Variants in TMEM43 observed in about 807,000 individuals in gnomAD.
TMEM43 encodes arrhythmogenic right ventricular dysplasia 5.
Under a neutral mutation model 49.6 loss-of-function variants are expected in TMEM43, and 45 were observed. The observed-to-expected ratio is 0.91, with a 90% CI of 0.71 to 1.16. The LOEUF (loss-of-function observed/expected upper bound fraction) is 1.16, where lower values mean the gene tolerates loss of function less well. Among genes scored for constraint, TMEM43 ranks in the 50% most tolerant of loss-of-function variants. The pLI is 0.00. For synonymous variants in TMEM43, 199 were observed against 207.8 expected, an observed-to-expected ratio of 0.96 and a Z score of 0.36; for missense variants, 532 against 516.6, an observed-to-expected ratio of 1.03 and a Z score of -0.29.
chr3:14,132,694 C>T, intron 5 of TMEM43, 99 bp downstream of exon 5: 1 of 1,462,770 alleles, frequency 6.8e-7, no homozygotes, highest in African/African-American at 1.4e-5. Context: ...AAGGATTCAG[C>T]ACCAGGCATC....
chr3:14,133,618 T>G (rs1695127438), intron 6 of TMEM43, 121 bp from the exon 7 acceptor site: 2 of 893,380 alleles, frequency 2.2e-6, no homozygotes, highest in South Asian at 2.6e-5. Flanking sequence ...CTGCTGCGCC[T>G]GGGCTAATCT....
intron 10 of TMEM43, 197 bp downstream of exon 10, chr3:14,136,105 C>T (rs1695166510): frequency 5.9e-6 from 4 of 682,290 alleles, no homozygotes; most frequent in Non-Finnish European, 1.1e-5. Context: ...TTTGGATTTG[C>T]AGGTATTTGT....
At chr3:14,132,448 T>G in intron 4 of TMEM43, 98 bp from the exon 5 acceptor site, 1 of 1,289,876 alleles carries the variant, frequency 7.8e-7, no homozygotes, top group Non-Finnish European at 1.1e-6. Flanking sequence ...GGGAGTCTGA[T>G]CTGGTAGCCC....
chr3:14,126,059 C>T (rs1695016799), intron 1 of TMEM43, among the ~76,000 whole-genome samples: 1 of 152,282 alleles, frequency 6.6e-6, no homozygotes, highest in Non-Finnish European at 1.5e-5. Context: ...GTCCTAGCAG[C>T]TCTCCCCTTG....
At chr3:14,139,434 C>T in intron 11 of TMEM43, 137 bp downstream of exon 11, 1 of 724,742 alleles carries the variant, frequency 1.4e-6, no homozygotes, top group Non-Finnish European at 2.5e-6. Context: ...ATCTCTGTGT[C>T]CCCGCTCCAT....
At chr3:14,137,538 A>G (rs116467007) in intron 10 of TMEM43, among the ~76,000 whole-genome samples, 61 of 152,166 alleles carry the variant, frequency 4.0e-4, no homozygotes, top group Middle Eastern at 3.4e-3. Flanking sequence ...CCCCCACACA[A>G]GGTCTGGGGT....
rs746865129 is a variant in TMEM43, at chr3:14,135,283, C to T, written c.780+51C>T. On this transcript the variant is annotated intron_variant, in intron 9 of 11. Transcript: ENST00000306077. ...ACTAAGTCAGAGCCTCACGACTTTC[C>T]TGGACACAGACACCTTGGTCAATGT... 6 of 1,485,106 alleles carry T rather than the reference C, an allele frequency of 4.0e-6. No individual in the cohort carries two copies. In the East Asian group the frequency reaches 1.4e-4, roughly 34 times the overall value. The allele number at this position is 1,485,106 out of a possible 1,614,324, so 92.0% of individuals were successfully genotyped here. A position where few individuals can be genotyped will look rare whatever the true frequency, so the allele number is the denominator to read the frequency against.
chr3:14,140,341 G>A (rs568243248), intron 11 of TMEM43, among the ~76,000 whole-genome samples: 3 of 152,174 alleles, frequency 2.0e-5, no homozygotes, highest in Non-Finnish European at 2.9e-5. Context: ...GTCTCAGTGG[G>A]CCCTTCTTTG....
intron 7 of TMEM43, among the ~76,000 whole-genome samples, 153 bp from the exon 8 acceptor site, chr3:14,134,617 C>T (rs766292952): frequency 9.9e-5 from 15 of 152,162 alleles, no homozygotes; most frequent in African/African-American, 2.7e-4. Flanking sequence ...CAGGGGAAGC[C>T]GTGGACGAGA....
chr3:14,137,652 G>A (rs1012184370), intron 10 of TMEM43, among the ~76,000 whole-genome samples: 1 of 152,232 alleles, frequency 6.6e-6, no homozygotes, highest in Admixed American at 6.5e-5. Flanking sequence ...AGCTGCCCAA[G>A]CAGGCACACT....
chr3:14,132,741 C>G, intron 5 of TMEM43, 125 bp from the exon 6 acceptor site: 6 of 1,365,126 alleles, frequency 4.4e-6, no homozygotes, highest in Non-Finnish European at 6.3e-6. Context: ...GCCCTGCTTT[C>G]CCACCCATCC....
chr3:14,128,228 A>G (rs775146487), intron 1 of TMEM43, among the ~76,000 whole-genome samples: 1 of 152,166 alleles, frequency 6.6e-6, no homozygotes, highest in African/African-American at 2.4e-5. Flanking sequence ...TTTGATCAGC[A>G]GTGGATGCAC....
Position 14,128,991 on chromosome 3 carries a change from A to C in TMEM43, c.13-421A>C, listed in dbSNP as rs540449031. The C allele has an allele frequency of 8.0e-4, 364 of 456,446 alleles. No homozygotes were observed. Among genetic ancestry groups the C allele is most frequent in the Non-Finnish European group, 1.3e-3 (290 of 226,968 alleles). The allele number at this position is 456,446 out of a possible 1,614,324, so 28.3% of individuals were successfully genotyped here. A position where few individuals can be genotyped will look rare whatever the true frequency, so the allele number is the denominator to read the frequency against. ...AAACACCACAACATGAATGAATTGC[A>C]AAAGCAGTGCTCTGAGTCCAAGAAG... On this transcript the variant is annotated intron_variant, in intron 1 of 11. Transcript: ENST00000306077.
At chr3:14,132,727 CA>C (rs1395735142) in intron 5 of TMEM43, 132 bp downstream of exon 5, 2 of 1,371,432 alleles carry the variant, frequency 1.5e-6, no homozygotes. Flanking sequence ...TGCAAGTCTT[CA>C]GAGCCCTGCT....
intron 2 of TMEM43, among the ~76,000 whole-genome samples, chr3:14,130,109 CCTCT>C (rs1336524068): frequency 1.3e-5 from 2 of 149,088 alleles, no homozygotes; most frequent in Non-Finnish European, 3.0e-5. Context: ...TCTTTCTCTC[CCTCT>C]CTCTTTCTTT....
chr3:14,141,534 C>A, intron 11 of TMEM43, 59 bp from the exon 12 acceptor site: 1 of 1,507,446 alleles, frequency 6.6e-7, no homozygotes, highest in Non-Finnish European at 9.2e-7. Context: ...CAGGAGAGAT[C>A]TGCTGAGCTG....
rs1363776385 is a variant in TMEM43, at chr3:14,135,150, A to AC, written c.706-3dup. 3 of 1,610,542 alleles carry AC rather than the reference A, an allele frequency of 1.9e-6. No individual in the cohort carries two copies. The highest frequency in any genetic ancestry group is 1.3e-5 in the African/African-American group (1 of 74,610). ...TCCTCACTCTCCCTGCTTCTCTTCC[A>AC]CCCCCAGGTGGGAGACTTGCGTGTC... On this transcript the variant is annotated splice_polypyrimidine_tract_variant and splice_region_variant and intron_variant, in intron 8 of 11. Transcript: ENST00000306077.
chr3:14,137,522 C>T lies in TMEM43; in HGVS notation c.882+1614C>T, dbSNP rs553614459. The stretch of plus-strand genomic sequence containing the variant: ...AAAGCCCTGTCTTCCCCCAGCCCAG[C>T]CCCCACCCCCACACAAGGTCTGGGG... On this transcript the variant is annotated intron_variant, in intron 10 of 11. Coordinates refer to ENST00000306077, the MANE Select transcript of TMEM43 (RefSeq NM_024334.3). 2.6e-3 allele frequency among the ~76,000 whole-genome samples: 396 copies of T among 152,302 alleles called. 2 individuals are homozygous for T. The highest frequency in any genetic ancestry group is 9.0e-3 in the African/African-American group (373 of 41,566).
At chr3:14,132,508 C>T (rs762090341) in intron 4 of TMEM43, 38 bp from the exon 5 acceptor site, 11 of 1,613,166 alleles carry the variant, frequency 6.8e-6, no homozygotes, top group East Asian at 2.2e-5. Flanking sequence ...CCTGGGGCGA[C>T]GAGGCTAACC....
Sources: gnomAD v4.1 joint callset for allele counts (sites outside exome capture counted in the v4.1 genomes callset) on GRCh38, gnomAD v4.1.1 for gene constraint, MANE v1.5 for transcripts, NCBI Gene and HGNC (gene_info 2026-07-23, HGNC 2026-07-21) for gene names.